Variants in FAM149A observed in about 807,000 individuals in gnomAD.
FAM149A encodes the protein protein FAM149A.
In FAM149A, 71 loss-of-function variants were observed where a neutral mutation model predicts 78.2. The observed-to-expected ratio is 0.91, with a 90% CI of 0.75 to 1.11. The LOEUF is 1.11. Among genes scored for constraint, FAM149A ranks in the 50% least tolerant of loss-of-function variants. The pLI is 0.00. For synonymous variants in FAM149A, 446 were observed against 410.5 expected (o/e 1.09, Z -1.04); for missense variants, 1,036 against 971.0 (o/e 1.07, Z -0.89).
chr4:186,143,149 C>CT lies in FAM149A; in HGVS notation c.567-5999dup, dbSNP rs141403092. On this transcript the variant is annotated intron_variant, in intron 1 of 13. Coordinates refer to ENST00000389354, the MANE Select transcript of FAM149A (RefSeq NM_001367768.3). ...TAAATGACTTTGTGTTCGATTTTTACTTTTTTTTTTTTTTTTTTTTTTTTT... is the reference window on the plus strand; with the variant it reads ...TAAATGACTTTGTGTTCGATTTTTACTTTTTTTTTTTTTTTTTTTTTTTTTT... 3.1e-3 allele frequency among the ~76,000 whole-genome samples: 260 copies of CT among 85,008 alleles called. 4 individuals are homozygous for CT. The highest frequency in any genetic ancestry group is 0.026 in the East Asian group (64 of 2,434). 55.8% of individuals were successfully genotyped at this position (85,008 alleles called of 152,430 possible).
chr4:186,130,293 C>CTCTATATATATATATATATA, intron 1 of FAM149A: 1 of 46,592 alleles, frequency 2.1e-5, no homozygotes, highest in African/African-American at 9.0e-5. Context: ...CTCTCTCTCT[C>CTCTATATATATATATATATA]TATATATATA....
intron 1 of FAM149A, chr4:186,132,988 G>C (rs2126365041): frequency 1.0e-6 from 1 of 985,344 alleles, no homozygotes; most frequent in Non-Finnish European, 1.2e-6. Flanking sequence ...TTGACGCTGT[G>C]CTCTGAGACG....
intron 8 of FAM149A, among the ~76,000 whole-genome samples, chr4:186,159,263 C>CA (rs907436502): frequency 9.2e-5 from 14 of 151,462 alleles, no homozygotes; most frequent in Admixed American, 2.6e-4. Flanking sequence ...AAAACAAAAA[C>CA]AAAAAAAACC....
intron 3 of FAM149A, chr4:186,150,959 A>G (rs1412499168): frequency 1.2e-5 from 10 of 845,830 alleles, no homozygotes; most frequent in Non-Finnish European, 1.4e-5. Context: ...TGACGTTGTG[A>G]TCCGCCTGCC....
chr4:186,171,695 G>A (rs947473744), intron 13 of FAM149A, among the ~76,000 whole-genome samples: 2 of 152,170 alleles, frequency 1.3e-5, no homozygotes, highest in East Asian at 1.9e-4. Flanking sequence ...GGGAGGACGC[G>A]TGGCCTGCAC....
At chr4:186,170,391 G>A (rs1308900191) in intron 13 of FAM149A, among the ~76,000 whole-genome samples, 1 of 152,226 alleles carries the variant, frequency 6.6e-6, no homozygotes, top group East Asian at 1.9e-4. Flanking sequence ...AGTGCCTGGT[G>A]CATAACAAGC....
intron 1 of FAM149A, among the ~76,000 whole-genome samples, chr4:186,141,307 A>G (rs1223732770): frequency 6.6e-6 from 1 of 152,216 alleles, no homozygotes; most frequent in Non-Finnish European, 1.5e-5. Flanking sequence ...AAAACTTAGT[A>G]CAAAAAAATT....
At chr4:186,137,569 G>A (rs1397754649) in intron 1 of FAM149A, among the ~76,000 whole-genome samples, 1 of 151,842 alleles carries the variant, frequency 6.6e-6, no homozygotes, top group East Asian at 1.9e-4. Context: ...AAACCATAAA[G>A]TATTAAAATC....
intron 4 of FAM149A, among the ~76,000 whole-genome samples, chr4:186,152,890 A>G (rs1018126672): frequency 2.0e-5 from 3 of 152,172 alleles, no homozygotes; most frequent in African/African-American, 7.2e-5. Flanking sequence ...ACTGGGGGAC[A>G]GTTTATCAAA....
chr4:186,109,311 CTT>C (rs60560568), intron 1 of FAM149A: 113 of 570,974 alleles, frequency 2.0e-4, no homozygotes, highest in South Asian at 5.3e-4. Flanking sequence ...TATATTCACT[CTT>C]TTTTTTTTTG....
intron 1 of FAM149A, chr4:186,127,269 G>A: frequency 1.0e-6 from 1 of 977,958 alleles, no homozygotes; most frequent in South Asian, 4.7e-5. Context: ...CAGAGCTTCG[G>A]TTTCTTCCGG....
intron 7 of FAM149A, 115 bp downstream of exon 7, chr4:186,156,305 G>T: frequency 2.7e-6 from 2 of 745,222 alleles, no homozygotes; most frequent in Non-Finnish European, 4.4e-6. Context: ...AAGACAAGTG[G>T]GTGTTCTGAC....
intron 1 of FAM149A, chr4:186,109,115 G>A (rs1342709727): frequency 1.1e-6 from 1 of 947,832 alleles, no homozygotes. Context: ...CCGAAGTGCT[G>A]GGATTACAGG....
intron 1 of FAM149A, chr4:186,116,664 C>G: frequency 2.1e-6 from 2 of 960,806 alleles, no homozygotes; most frequent in Non-Finnish European, 2.5e-6. Context: ...GCGGCACGAT[C>G]TCGGCTCACT....
intron 8 of FAM149A, among the ~76,000 whole-genome samples, chr4:186,159,797 G>T (rs1734363958): frequency 6.6e-6 from 1 of 151,988 alleles, no homozygotes; most frequent in South Asian, 2.1e-4. Flanking sequence ...GTGCCAAGGA[G>T]GTTGTTTCCA....
At chr4:186,135,964 A>G (rs1165552778) in intron 1 of FAM149A, among the ~76,000 whole-genome samples, 1 of 152,198 alleles carries the variant, frequency 6.6e-6, no homozygotes, top group Non-Finnish European at 1.5e-5. Flanking sequence ...ACGCGTGTGG[A>G]GTTGGGGCTT....
intron 6 of FAM149A, 127 bp from the exon 7 acceptor site, chr4:186,155,873 C>T (rs55822915): frequency 0.22 from 142,668 of 635,856 alleles, 17,232 homozygotes; most frequent in Middle Eastern, 0.26. Context: ...TAAAAAAGAA[C>T]GATGCTGTTT....
At position 186,105,583 on chromosome 4, in the gene FAM149A, T is replaced by C. The variant is rs974293858; in HGVS notation, c.507T>C (p.Leu169=). ...GGGCTGGCCCCAGAACCCTGTTCCTTACGCTGCCTGACATCGGCGAGGAGG... is the reference window on the plus strand; with the variant it reads ...GGGCTGGCCCCAGAACCCTGTTCCTCACGCTGCCTGACATCGGCGAGGAGG... Residue 169 remains leucine, a synonymous_variant, in exon 1 of 14, where the codon CTT becomes CTC. Coordinates refer to ENST00000389354, the MANE Select transcript of FAM149A (RefSeq NM_001367768.3). The C allele has an allele frequency of 5.6e-6, 6 of 1,066,204 alleles. No individual in the cohort carries two copies. The highest frequency in any genetic ancestry group is 6.9e-6 in the Non-Finnish European group (6 of 875,872). 66.0% of individuals were successfully genotyped at this position (1,066,204 alleles called of 1,614,324 possible). A position where few individuals can be genotyped will look rare whatever the true frequency, so the allele number is the denominator to read the frequency against.
chr4:186,113,359 A>G (rs1282253653), intron 1 of FAM149A, among the ~76,000 whole-genome samples: 3 of 107,096 alleles, frequency 2.8e-5, no homozygotes, highest in African/African-American at 7.2e-5. Flanking sequence ...TGGATTCATT[A>G]ATTTTTTGAA....
Sources: allele counts gnomAD v4.1 joint callset (sites outside exome capture counted in the v4.1 genomes callset), GRCh38; gene constraint gnomAD v4.1.1; transcripts MANE v1.5; gene names NCBI Gene and HGNC (gene_info 2026-07-23, HGNC 2026-07-21).